Variants in TRPS1 observed in about 807,000 individuals in gnomAD.
The protein encoded by TRPS1 is transcriptional repressor GATA binding 1.
TRPS1 carries 6 observed loss-of-function variants against 101.2 expected under a neutral mutation model. That is an observed-to-expected ratio of 0.06 (90% confidence interval 0.03 to 0.12). TRPS1 has a LOEUF of 0.12. Among genes scored for constraint, TRPS1 ranks in the 10% least tolerant of loss-of-function variants. TRPS1 has a pLI of 1.00. For missense variants in TRPS1, 1,363 were observed against 1,567.0 expected (o/e 0.87, Z 2.20); for synonymous variants, 578 against 589.8 (o/e 0.98, Z 0.29).
intron 5 of TRPS1, among the ~76,000 whole-genome samples, chr8:115,486,922 T>A (rs943009160): frequency 6.6e-6 from 1 of 152,190 alleles, no homozygotes. Context: ...TGAAGATAGC[T>A]GCAATAAACA....
At chr8:115,457,188 C>T (rs1466344530) in intron 5 of TRPS1, among the ~76,000 whole-genome samples, 2 of 152,112 alleles carry the variant, frequency 1.3e-5, no homozygotes, top group Non-Finnish European at 2.9e-5. Context: ...TTAATTTAGA[C>T]TGATTAGAAA....
At chr8:115,532,404 G>A (rs1411926583) in intron 5 of TRPS1, among the ~76,000 whole-genome samples, 1 of 152,162 alleles carries the variant, frequency 6.6e-6, no homozygotes, top group South Asian at 2.1e-4. Context: ...CTGGCTGAGG[G>A]ATTATTTCAA....
chr8:115,565,716 G>A (rs1232887278), intron 5 of TRPS1, among the ~76,000 whole-genome samples: 1 of 152,050 alleles, frequency 6.6e-6, no homozygotes, highest in Non-Finnish European at 1.5e-5. Context: ...AACTAGCTGA[G>A]AAAGTGATTC....
At chr8:115,485,547 C>G (rs964591906) in intron 5 of TRPS1, among the ~76,000 whole-genome samples, 2 of 152,082 alleles carry the variant, frequency 1.3e-5, no homozygotes, top group African/African-American at 4.8e-5. Context: ...ACAGTGTACC[C>G]CATGCTTGCT....
At chr8:115,487,404 G>A (rs1055306253) in intron 5 of TRPS1, among the ~76,000 whole-genome samples, 3 of 151,906 alleles carry the variant, frequency 2.0e-5, no homozygotes, top group Admixed American at 6.6e-5. Flanking sequence ...TGGACCCCAG[G>A]AGTAATTAGG....
chr8:115,423,090 A>AC (rs1563720866), intron 5 of TRPS1, among the ~76,000 whole-genome samples: 1 of 152,154 alleles, frequency 6.6e-6, no homozygotes, highest in Non-Finnish European at 1.5e-5. Context: ...TTCCACATCT[A>AC]CGTGGTTTGA....
intron 5 of TRPS1, among the ~76,000 whole-genome samples, chr8:115,548,424 G>T (rs2130330230): frequency 6.6e-6 from 1 of 152,038 alleles, no homozygotes; most frequent in East Asian, 1.9e-4. Flanking sequence ...CGCAACCTCT[G>T]CCTCCCAGGT....
At chr8:115,495,546 A>G (rs773482941) in intron 5 of TRPS1, among the ~76,000 whole-genome samples, 1 of 151,210 alleles carries the variant, frequency 6.6e-6, no homozygotes, top group African/African-American at 2.4e-5. Context: ...CCTTTTTCCT[A>G]TTCCTATTCC....
At chr8:115,447,935 AAG>A (rs1813777588) in intron 5 of TRPS1, among the ~76,000 whole-genome samples, 1 of 152,122 alleles carries the variant, frequency 6.6e-6, no homozygotes, top group African/African-American at 2.4e-5. Context: ...AATCACATAA[AAG>A]AGAATACATT....
intron 5 of TRPS1, among the ~76,000 whole-genome samples, chr8:115,474,228 G>A (rs1022031352): frequency 1.3e-5 from 2 of 152,076 alleles, no homozygotes; most frequent in African/African-American, 4.8e-5. Flanking sequence ...ATAATGTGAA[G>A]TGCTGTAAAT....
At chr8:115,658,517 T>C (rs1811726284) in intron 1 of TRPS1, among the ~76,000 whole-genome samples, 1 of 151,218 alleles carries the variant, frequency 6.6e-6, no homozygotes, top group South Asian at 2.1e-4. Context: ...GAACTGAAAA[T>C]GGGAAAAATT....
At chr8:115,453,702 G>GTCA (rs1813940798) in intron 5 of TRPS1, among the ~76,000 whole-genome samples, 1 of 152,196 alleles carries the variant, frequency 6.6e-6, no homozygotes, top group African/African-American at 2.4e-5. Context: ...CCTTCAAAGA[G>GTCA]TCATGCATCT....
rs547156418 is a variant in TRPS1 at position 115,498,662 on chromosome 8, GA to G, written c.2701-80211del. ...GCTACAAAATTTAATGTATTTGAAA[GA>G]AAAAGTTAGTGTCACACAAAGTAAA... On this transcript the variant is annotated intron_variant, in intron 5 of 6. Coordinates refer to ENST00000395715, the MANE Select transcript of TRPS1 (RefSeq NM_014112.5). Among the ~76,000 whole-genome samples the G allele has an allele frequency of 1.1e-4, 16 of 151,856 alleles. No individual in the cohort carries two copies. In the East Asian group the frequency reaches 3.1e-3, roughly 30 times the overall value.
intron 1 of TRPS1, among the ~76,000 whole-genome samples, chr8:115,633,163 C>T (rs1302835388): frequency 1.3e-5 from 2 of 151,802 alleles, no homozygotes; most frequent in African/African-American, 4.8e-5. Context: ...AGGATGTGCC[C>T]CAGCAGGCAA....
intron 5 of TRPS1, among the ~76,000 whole-genome samples, chr8:115,487,976 A>T (rs924104853): frequency 6.6e-6 from 1 of 152,202 alleles, no homozygotes; most frequent in Non-Finnish European, 1.5e-5. Flanking sequence ...ATAGCATTGC[A>T]TACTACAGGA....
rs976398658 is a variant in TRPS1, at chr8:115,495,249, T to C, written c.2701-76797A>G. Among the ~76,000 whole-genome samples, 12 of 152,286 alleles carry C rather than the reference T, an allele frequency of 7.9e-5. No individual in the cohort carries two copies. The South Asian group carries it at 1.9e-3, about 24-fold the overall frequency. On this transcript the variant is annotated intron_variant, in intron 5 of 6. Coordinates refer to ENST00000395715, the MANE Select transcript of TRPS1 (RefSeq NM_014112.5). ...CTTCATCCTCTTTAAATTCGTTTTATAATTCTGGTTACTATGACAACATGA... is the reference window on the plus strand; with the variant it reads ...CTTCATCCTCTTTAAATTCGTTTTACAATTCTGGTTACTATGACAACATGA...
At chr8:115,422,428 GCGATCTCGGCCCACTGCCA>G (rs1273396166) in intron 5 of TRPS1, among the ~76,000 whole-genome samples, 2 of 151,638 alleles carry the variant, frequency 1.3e-5, no homozygotes, top group Middle Eastern at 3.4e-3. Context: ...GGGCAGTGGC[GCGATCTCGGCCCACTGCCA>G]CCTCCGCCTC....
intron 5 of TRPS1, among the ~76,000 whole-genome samples, chr8:115,567,825 C>A (rs1563609585): frequency 1.3e-5 from 2 of 152,060 alleles, no homozygotes; most frequent in Non-Finnish European, 2.9e-5. Flanking sequence ...GTGCCTCCTG[C>A]AGCTCTTTCA....
intron 4 of TRPS1, among the ~76,000 whole-genome samples, chr8:115,588,049 G>A (rs1312593012): frequency 6.6e-6 from 1 of 152,154 alleles, no homozygotes; most frequent in Non-Finnish European, 1.5e-5. Context: ...TTTCACACCT[G>A]ATTTAAAATG....
Sources: gnomAD v4.1 joint callset for allele counts (sites outside exome capture counted in the v4.1 genomes callset) on GRCh38, gnomAD v4.1.1 for gene constraint, MANE v1.5 for transcripts, NCBI Gene and HGNC (gene_info 2026-07-23, HGNC 2026-07-21) for gene names.